The following STARD13 variants were observed in gnomAD, a reference collection of about 807,000 sequenced individuals.
The protein encoded by STARD13 is stAR-related lipid transfer protein 13.
In STARD13, 62 loss-of-function variants were observed where a neutral mutation model predicts 106.4. The observed-to-expected ratio is 0.58, with a 90% CI of 0.48 to 0.72. The LOEUF is 0.72. Ranked by LOEUF, STARD13 falls within the 30% of genes least tolerant of loss-of-function variation. The pLI, the probability that STARD13 is intolerant of heterozygous loss-of-function variation, is 0.00. For missense variants in STARD13, 1,387 were observed against 1,424.0 expected (o/e 0.97, Z 0.42); for synonymous variants, 565 against 553.0 (o/e 1.02, Z -0.31).
At chr13:33,285,353 G>T in intron 1 of STARD13, 117 bp downstream of exon 1, 1 of 1,101,592 alleles carries the variant, frequency 9.1e-7, no homozygotes, top group Non-Finnish European at 1.3e-6. Context: ...GGGTAGTGTG[G>T]CATAGAAATC....
At chr13:33,519,268 CTT>C in the STARD13 span, among the ~76,000 whole-genome samples, 3 of 140,968 alleles carry the variant, frequency 2.1e-5, no homozygotes, top group South Asian at 6.8e-4. Flanking sequence ...TTCTTTCTTT[CTT>C]TCTTTTCTTT....
chr13:33,119,226 T>C (rs1209756631), intron 7 of STARD13, among the ~76,000 whole-genome samples: 2 of 152,186 alleles, frequency 1.3e-5, no homozygotes, highest in African/African-American at 2.4e-5. Flanking sequence ...TGGCTTATAG[T>C]GAAATAATAT....
the STARD13 span, among the ~76,000 whole-genome samples, chr13:33,588,768 A>T: frequency 6.6e-6 from 1 of 152,148 alleles, no homozygotes; most frequent in African/African-American, 2.4e-5. Context: ...CTTAGAGTTA[A>T]ATGTACTTCC....
At chr13:33,555,589 A>C in the STARD13 span, among the ~76,000 whole-genome samples, 1 of 152,194 alleles carries the variant, frequency 6.6e-6, no homozygotes, top group Non-Finnish European at 1.5e-5. Context: ...GTTCCTCTGT[A>C]GTCCAACCTA....
chr13:33,468,458 T>C, the STARD13 span, among the ~76,000 whole-genome samples: 1,204 of 152,248 alleles, frequency 7.9e-3, 12 homozygotes, highest in African/African-American at 0.027. Context: ...ATGGAAGGTG[T>C]TTGGGCCATG....
At chr13:33,322,542 T>A (rs1232466720) in intron 1 of STARD13, among the ~76,000 whole-genome samples, 4 of 152,224 alleles carry the variant, frequency 2.6e-5, no homozygotes, top group Non-Finnish European at 5.9e-5. Flanking sequence ...TTACATCTGC[T>A]CATAAAAATG....
the STARD13 span, among the ~76,000 whole-genome samples, chr13:33,676,527 G>A: frequency 2.0e-5 from 3 of 152,266 alleles, no homozygotes; most frequent in East Asian, 3.9e-4. Context: ...AGAGCTGTGC[G>A]TGCACGTTTG....
At chr13:33,407,536 T>C in the STARD13 span, among the ~76,000 whole-genome samples, 1 of 152,260 alleles carries the variant, frequency 6.6e-6, no homozygotes, top group Admixed American at 6.5e-5. Flanking sequence ...GCTTAATTAA[T>C]CATAATTGTA....
chr13:33,439,659 A>G, the STARD13 span: 1 of 1,205,002 alleles, frequency 8.3e-7, no homozygotes, highest in Non-Finnish European at 1.1e-6. Flanking sequence ...TTTTATACAT[A>G]AACAGGAAAA....
At chr13:33,487,290 C>A in the STARD13 span, among the ~76,000 whole-genome samples, 2 of 152,108 alleles carry the variant, frequency 1.3e-5, no homozygotes, top group Non-Finnish European at 2.9e-5. Flanking sequence ...GATTTTGTTA[C>A]TATCATTATA....
the STARD13 span, among the ~76,000 whole-genome samples, chr13:33,461,598 A>G: frequency 3.9e-5 from 6 of 152,134 alleles, 1 homozygote; most frequent in Admixed American, 3.3e-4. Flanking sequence ...AATCCTAAGT[A>G]TTATTTATAC....
chr13:33,501,289 G>C, the STARD13 span, among the ~76,000 whole-genome samples: 3 of 151,888 alleles, frequency 2.0e-5, no homozygotes, highest in African/African-American at 7.3e-5. Context: ...TTTTGGCCAG[G>C]CTGGTCTTGA....
chr13:33,563,117 T>C, the STARD13 span, among the ~76,000 whole-genome samples: 1 of 146,830 alleles, frequency 6.8e-6, no homozygotes, highest in Non-Finnish European at 1.5e-5. Context: ...TGAAAAGATA[T>C]TCCATGCTTA....
intron 1 of STARD13, among the ~76,000 whole-genome samples, chr13:33,249,124 C>A (rs1013880775): frequency 1.3e-5 from 2 of 152,062 alleles, no homozygotes; most frequent in Non-Finnish European, 2.9e-5. Context: ...TAGCTTTATA[C>A]ATTAAAATGA....
At chr13:33,295,940 A>T (rs1196022839) in intron 1 of STARD13, among the ~76,000 whole-genome samples, 1 of 152,118 alleles carries the variant, frequency 6.6e-6, no homozygotes, top group African/African-American at 2.4e-5. Flanking sequence ...GGCCAGGCAC[A>T]GTGGTTCACG....
chr13:33,467,840 T>G, the STARD13 span, among the ~76,000 whole-genome samples: 3 of 152,154 alleles, frequency 2.0e-5, no homozygotes, highest in Non-Finnish European at 2.9e-5. Flanking sequence ...TTTAAGGACA[T>G]TTGTTTGAAT....
the STARD13 span, chr13:33,511,305 T>A: frequency 1.2e-4 from 17 of 140,028 alleles, no homozygotes. Context: ...ACAGCAAGAC[T>A]CCATCTCAAA....
chr13:33,539,780 G>A, the STARD13 span, among the ~76,000 whole-genome samples: 3 of 152,204 alleles, frequency 2.0e-5, no homozygotes, highest in Non-Finnish European at 4.4e-5. Flanking sequence ...TTTATGAACA[G>A]CTTTATGCTA....
the STARD13 span, among the ~76,000 whole-genome samples, chr13:33,528,277 C>CTT: frequency 1.1e-5 from 1 of 93,480 alleles, no homozygotes; most frequent in Non-Finnish European, 1.9e-5. Flanking sequence ...TATATATACT[C>CTT]TTTTTTTTTT....
Sources: gnomAD v4.1 joint callset for allele counts (sites outside exome capture counted in the v4.1 genomes callset) on GRCh38, gnomAD v4.1.1 for gene constraint, MANE v1.5 for transcripts, NCBI Gene and HGNC (gene_info 2026-07-23, HGNC 2026-07-21) for gene names.